ATAD2B: variants seen among roughly 807,000 people sequenced by gnomAD.
The protein encoded by ATAD2B is ATPase family AAA domain containing 2B, also known as ATPase family AAA domain-containing protein 2B.
ATAD2B carries 40 observed loss-of-function variants against 167.6 expected under a neutral mutation model. The observed-to-expected ratio is 0.24, with a 90% CI of 0.19 to 0.31. The LOEUF (loss-of-function observed/expected upper bound fraction) is 0.31, where lower values mean the gene tolerates loss of function less well. Among genes scored for constraint, ATAD2B ranks in the 10% least tolerant of loss-of-function variants. ATAD2B has a pLI of 1.00. For missense variants in ATAD2B, 1,242 were observed against 1,757.2 expected (o/e 0.71, Z 5.24); for synonymous variants, 579 against 596.5 (o/e 0.97, Z 0.43).
intron 27 of ATAD2B, among the ~76,000 whole-genome samples, chr2:23,753,664 C>T (rs1367171186): frequency 6.6e-6 from 1 of 152,114 alleles, no homozygotes; most frequent in Non-Finnish European, 1.5e-5. Context: ...AAAGGACAGT[C>T]GCTCCTTCAT....
chr2:23,843,779 C>T (rs1034711631), intron 13 of ATAD2B, among the ~76,000 whole-genome samples: 2 of 152,190 alleles, frequency 1.3e-5, no homozygotes, highest in African/African-American at 4.8e-5. Context: ...TCTACACTCA[C>T]AGAGAGCCAG....
chr2:23,752,967 T>C (rs1451861828), intron 27 of ATAD2B, among the ~76,000 whole-genome samples: 4 of 152,124 alleles, frequency 2.6e-5, no homozygotes, highest in African/African-American at 9.7e-5. Context: ...ATTTAATGCA[T>C]TCAAGCTAAT....
chr2:23,692,727 TC>T, the ATAD2B span, among the ~76,000 whole-genome samples: 41 of 151,402 alleles, frequency 2.7e-4, 2 homozygotes, highest in East Asian at 7.2e-3. Flanking sequence ...CGGAGATGGC[TC>T]CCACCCCAGA....
intron 22 of ATAD2B, among the ~76,000 whole-genome samples, chr2:23,778,617 T>C (rs1679526652): frequency 6.6e-6 from 1 of 152,204 alleles, no homozygotes; most frequent in Non-Finnish European, 1.5e-5. Flanking sequence ...ATGGAACTCT[T>C]ATCATGTCCC....
chr2:23,727,419 C>T, the ATAD2B span, among the ~76,000 whole-genome samples: 1 of 152,190 alleles, frequency 6.6e-6, no homozygotes, highest in African/African-American at 2.4e-5. Flanking sequence ...ACACATAGCA[C>T]TAACTGCTGA....
At chr2:23,697,287 CTT>C in the ATAD2B span, 1 of 152,214 alleles carries the variant, frequency 6.6e-6, no homozygotes, top group East Asian at 1.9e-4. Context: ...GGAGACTGTT[CTT>C]TCTTACAGAG....
chr2:23,886,976 AT>A (rs1366614292), intron 4 of ATAD2B, among the ~76,000 whole-genome samples: 7 of 146,878 alleles, frequency 4.8e-5, no homozygotes, highest in South Asian at 2.2e-4. Context: ...CGTCTTAGCA[AT>A]TTTTTTTAAG....
chr2:23,770,275 C>T (rs1678123184), intron 22 of ATAD2B, among the ~76,000 whole-genome samples: 1 of 151,886 alleles, frequency 6.6e-6, no homozygotes, highest in East Asian at 1.9e-4. Flanking sequence ...GAGATCATGC[C>T]ACTGCACTCC....
At chr2:23,925,641 CAATA>C (rs1209900767) in intron 1 of ATAD2B, among the ~76,000 whole-genome samples, 3 of 152,110 alleles carry the variant, frequency 2.0e-5, no homozygotes, top group Non-Finnish European at 4.4e-5. Flanking sequence ...TCCTTTAAAA[CAATA>C]AATATCTGTG....
At chr2:23,893,273 A>G (rs1699772489) in intron 2 of ATAD2B, among the ~76,000 whole-genome samples, 1 of 152,096 alleles carries the variant, frequency 6.6e-6, no homozygotes, top group African/African-American at 2.4e-5. Context: ...AGAATTCATT[A>G]TTTTTCATAG....
At position 23,863,414 on chromosome 2, in the gene ATAD2B, T is replaced by C. The variant is rs1694713090; in HGVS notation, c.1446A>G (p.Glu482=). ...AAAGAAGCCTAAGTTGCCTTTCAGA[T>C]TCACCAACCCACTTGCTCAAACAAT... is the stretch of plus-strand genomic sequence containing the variant. The part of the protein sequence containing the change: ...GADCLSKWVG[E]SERQLRLLFD... Residue 482 remains glutamate, a synonymous_variant, in exon 12 of 28, where the codon GAA becomes GAG. Coordinates refer to ENST00000238789, the MANE Select transcript of ATAD2B (RefSeq NM_017552.4). 1 of 1,552,316 alleles carries C rather than the reference T, an allele frequency of 6.4e-7. No individual in the cohort carries two copies. The highest frequency in any genetic ancestry group is 8.7e-7 in the Non-Finnish European group (1 of 1,147,148).
chr2:23,805,384 C>T (rs1353667322), intron 18 of ATAD2B, among the ~76,000 whole-genome samples: 2 of 152,126 alleles, frequency 1.3e-5, no homozygotes, highest in Non-Finnish European at 2.9e-5. Flanking sequence ...ATGTCACCTG[C>T]ATTTTTCAGC....
the ATAD2B span, among the ~76,000 whole-genome samples, chr2:23,739,454 G>A: frequency 1.3e-5 from 2 of 152,006 alleles, no homozygotes. Context: ...ATGACTACTG[G>A]GTAAATAATG....
chr2:23,904,293 A>G (rs1701204526), intron 1 of ATAD2B, among the ~76,000 whole-genome samples: 1 of 152,204 alleles, frequency 6.6e-6, no homozygotes, highest in Admixed American at 6.5e-5. Flanking sequence ...CTAAAACAAG[A>G]GGAGTTAAAC....
the ATAD2B span, among the ~76,000 whole-genome samples, chr2:23,720,756 A>C: frequency 6.6e-6 from 1 of 152,208 alleles, no homozygotes. Context: ...GTCCTTACAA[A>C]AAGAGAATCC....
At chr2:23,878,325 C>T (rs952746887) in intron 7 of ATAD2B, among the ~76,000 whole-genome samples, 62 of 151,832 alleles carry the variant, frequency 4.1e-4, no homozygotes, top group African/African-American at 1.4e-3. Context: ...TGCACCACTG[C>T]ATTCCAGCCT....
intron 1 of ATAD2B, among the ~76,000 whole-genome samples, chr2:23,924,032 A>C (rs1385603617): frequency 6.6e-6 from 1 of 152,082 alleles, no homozygotes; most frequent in Non-Finnish European, 1.5e-5. Context: ...AATACAAAAA[A>C]ATTAGCCGGG....
the ATAD2B span, among the ~76,000 whole-genome samples, chr2:23,715,447 G>A: frequency 6.6e-5 from 10 of 152,040 alleles, no homozygotes; most frequent in Non-Finnish European, 1.5e-4. Flanking sequence ...GGTGGCAGGC[G>A]CCTGTAGTCC....
chr2:23,862,044 T>C (rs1180266099), intron 12 of ATAD2B, among the ~76,000 whole-genome samples: 1 of 152,080 alleles, frequency 6.6e-6, no homozygotes, highest in Non-Finnish European at 1.5e-5. Flanking sequence ...TTCCAAAAAG[T>C]TGAAAATTAG....
Sources: gnomAD v4.1 joint callset for allele counts (sites outside exome capture counted in the v4.1 genomes callset) on GRCh38, gnomAD v4.1.1 for gene constraint, MANE v1.5 for transcripts, NCBI Gene and HGNC (gene_info 2026-07-23, HGNC 2026-07-21) for gene names.